The following SLC22A15 variants were observed in gnomAD, a reference collection of about 807,000 sequenced individuals.
SLC22A15 encodes the protein flipt 1.
In SLC22A15, 45 loss-of-function variants were observed where a neutral mutation model predicts 62.7. The observed-to-expected ratio is 0.72, with a 90% confidence interval of 0.56 to 0.92. The LOEUF (loss-of-function observed/expected upper bound fraction) is 0.92. Ranked by LOEUF, SLC22A15 falls within the 40% of genes least tolerant of loss-of-function variation. The pLI is 0.00. For synonymous variants in SLC22A15, 264 were observed against 267.0 expected, an observed-to-expected ratio of 0.99 and a Z score of 0.11; for missense variants, 622 against 665.6, an observed-to-expected ratio of 0.93 and a Z score of 0.72.
chr1:115,992,382 G>C, intron 2 of SLC22A15, 139 bp downstream of exon 2: 2 of 744,688 alleles, frequency 2.7e-6, no homozygotes. Flanking sequence ...AGGTTTTAAT[G>C]TATCAAAGGA....
In SLC22A15 at chr1:116,031,486, C is replaced by T. The variant is rs772993651; in HGVS notation, c.849C>T (p.His283=). The change falls in exon 6 of 12, where the codon CAC becomes CAT. Residue 283 remains histidine (H), a synonymous_variant. Transcript: ENST00000369503. ...RKLKCTFSLT[H]PANRSCRETG... ...TCAAGTGCACGTTCTCACTAACACACCCAGCCAACAGGAGCTGCAGGGAGA... is the reference window on the plus strand; with the variant it reads ...TCAAGTGCACGTTCTCACTAACACATCCAGCCAACAGGAGCTGCAGGGAGA... The T allele has an allele frequency of 1.9e-6, 3 of 1,614,024 alleles. No individual in the cohort carries two copies. The highest frequency in any genetic ancestry group is 2.5e-6 in the Non-Finnish European group (3 of 1,179,882).
intron 1 of SLC22A15, among the ~76,000 whole-genome samples, chr1:115,985,715 G>A (rs1202642967): frequency 6.6e-6 from 1 of 151,954 alleles, no homozygotes; most frequent in Non-Finnish European, 1.5e-5. Context: ...TTGGCAGGCC[G>A]AGACAGGTGG....
intron 8 of SLC22A15, among the ~76,000 whole-genome samples, chr1:116,054,622 C>G (rs903420031): frequency 1.3e-5 from 2 of 152,132 alleles, no homozygotes; most frequent in African/African-American, 4.8e-5. Context: ...AGCACCACAC[C>G]ACACCTATTC....
At chr1:116,029,321 G>C (rs1185038009) in intron 5 of SLC22A15, among the ~76,000 whole-genome samples, 1 of 152,048 alleles carries the variant, frequency 6.6e-6, no homozygotes, top group Non-Finnish European at 1.5e-5. Context: ...AATTTACAAA[G>C]ATTTGCCACC....
intron 10 of SLC22A15, among the ~76,000 whole-genome samples, chr1:116,066,163 A>G (rs1658492272): frequency 1.3e-5 from 2 of 152,206 alleles, no homozygotes; most frequent in East Asian, 1.9e-4. Flanking sequence ...CTCACCTGGA[A>G]TGGAAGCTGA....
intron 5 of SLC22A15, among the ~76,000 whole-genome samples, chr1:116,027,764 C>T (rs2452546): frequency 0.91 from 138,665 of 152,106 alleles, 63,404 homozygotes; most frequent in South Asian, 0.97. Flanking sequence ...TAGCTGGGAT[C>T]ACAGGCATGC....
rs573433110 is a variant in SLC22A15 at position 116,068,035 on chromosome 1, T to G, written c.*927T>G. 6.5e-6 allele frequency: 1 copy of G among 152,734 alleles called. No homozygotes were observed. The highest frequency in any genetic ancestry group is 2.1e-4 in the South Asian group (1 of 4,828). The allele number at this position is 152,734 out of a possible 1,614,324, so 9.5% of individuals were successfully genotyped here. A position where few individuals can be genotyped will look rare whatever the true frequency, so the allele number is the denominator to read the frequency against. On this transcript the variant is annotated 3_prime_UTR_variant, in exon 12 of 12. Coordinates refer to ENST00000369503, the MANE Select transcript of SLC22A15 (RefSeq NM_018420.3). ...AAATGAAATTATCTTTGATAAATTT[T>G]TGTTTGTTTTGCTTTCAGCATTGTG... is the stretch of plus-strand genomic sequence containing the variant.
intron 1 of SLC22A15, among the ~76,000 whole-genome samples, chr1:115,984,892 AAG>A (rs1349898406): frequency 2.6e-5 from 4 of 152,200 alleles, no homozygotes; most frequent in Non-Finnish European, 5.9e-5. Context: ...GATATAAAGA[AAG>A]AAAATATTTT....
chr1:116,061,685 TA>T (rs112599796), intron 8 of SLC22A15, among the ~76,000 whole-genome samples: 20,885 of 144,104 alleles, frequency 0.14, 1,787 homozygotes, highest in African/African-American at 0.25. Context: ...TAAACTTTTC[TA>T]AAAAAAAAAA....
At chr1:116,029,264 T>C (rs1245366791) in intron 5 of SLC22A15, among the ~76,000 whole-genome samples, 2 of 152,218 alleles carry the variant, frequency 1.3e-5, no homozygotes. Flanking sequence ...TTCACAATAC[T>C]TCAATTTCAG....
At chr1:116,034,486 C>T (rs1657559448) in intron 6 of SLC22A15, among the ~76,000 whole-genome samples, 1 of 152,168 alleles carries the variant, frequency 6.6e-6, no homozygotes, top group African/African-American at 2.4e-5. Flanking sequence ...CTGTTTGTTT[C>T]AGGAACGGTG....
intron 2 of SLC22A15, among the ~76,000 whole-genome samples, chr1:116,012,067 A>G (rs1656300324): frequency 6.6e-6 from 1 of 152,202 alleles, no homozygotes; most frequent in South Asian, 2.1e-4. Context: ...CTTGGAGTAA[A>G]TGATTTTTTT....
chr1:116,048,578 A>G (rs189127519), intron 8 of SLC22A15, among the ~76,000 whole-genome samples: 1 of 152,362 alleles, frequency 6.6e-6, no homozygotes, highest in East Asian at 1.9e-4. Context: ...AACTGCTAAA[A>G]GGAGCTCTAA....
chr1:116,057,407 A>G (rs1658241892), intron 8 of SLC22A15, among the ~76,000 whole-genome samples: 3 of 151,956 alleles, frequency 2.0e-5, no homozygotes, highest in Non-Finnish European at 4.4e-5. Context: ...TCAGGAAACA[A>G]CAGGTGCTGG....
chr1:116,032,474 A>G (rs1657455123), intron 6 of SLC22A15: 1 of 985,304 alleles, frequency 1.0e-6, no homozygotes, highest in African/African-American at 1.7e-5. Context: ...GGGATAAAGG[A>G]AAGTGATTTT....
chr1:115,983,707 A>G (rs978299117), intron 1 of SLC22A15, among the ~76,000 whole-genome samples: 1 of 152,154 alleles, frequency 6.6e-6, no homozygotes, highest in Non-Finnish European at 1.5e-5. Context: ...GCTGCCTTTC[A>G]TCATAGAATT....
At chr1:116,028,088 A>G (rs1657191225) in intron 5 of SLC22A15, among the ~76,000 whole-genome samples, 1 of 152,198 alleles carries the variant, frequency 6.6e-6, no homozygotes. Flanking sequence ...TAATTCTGAC[A>G]GCTCTTTAAT....
chr1:116,031,325 T>C, intron 5 of SLC22A15, 41 bp from the exon 6 acceptor site: 1 of 1,451,456 alleles, frequency 6.9e-7, no homozygotes, highest in Non-Finnish European at 9.6e-7. Context: ...TGTGCACGTG[T>C]ACCTATATGA....
In SLC22A15 at chr1:115,992,075, C is replaced by T. The variant is rs1192705675; in HGVS notation, c.132C>T (p.Ala44=). ...TEAILIALVG[A]TPSYHWDLAE... The stretch of plus-strand genomic sequence containing the variant: ...CCATCCTCATTGCACTGGTTGGGGC[C>T]ACGCCATCCTACCACTGGGACCTGG... The change falls in exon 2 of 12, where the codon GCC becomes GCT. Residue 44 remains alanine (A), a synonymous_variant. Transcript: ENST00000369503. 1 of 1,613,940 alleles carries T rather than the reference C, an allele frequency of 6.2e-7. No homozygotes were observed.
Sources: gnomAD v4.1 joint callset for allele counts (sites outside exome capture counted in the v4.1 genomes callset) on GRCh38, gnomAD v4.1.1 for gene constraint, MANE v1.5 for transcripts, NCBI Gene and HGNC (gene_info 2026-07-23, HGNC 2026-07-21) for gene names.